SOX6: variants seen among roughly 807,000 people sequenced by gnomAD.
The protein encoded by SOX6 is transcription factor SOX-6.
A neutral mutation model predicts 97.8 loss-of-function variants in SOX6; 11 were observed. The ratio of observed to expected loss-of-function variants is 0.11; its 90% CI spans 0.07 to 0.19. SOX6 has a LOEUF of 0.19. Ranked by LOEUF, SOX6 falls within the 10% of genes least tolerant of loss-of-function variation. The pLI is 1.00. For missense variants in SOX6, 810 were observed against 1,039.5 expected, an observed-to-expected ratio of 0.78 and a Z score of 3.04; for synonymous variants, 360 against 371.4, an observed-to-expected ratio of 0.97 and a Z score of 0.35.
chr11:16,066,055 A>G (rs1392422170), intron 9 of SOX6, among the ~76,000 whole-genome samples: 3 of 152,310 alleles, frequency 2.0e-5, no homozygotes, highest in East Asian at 1.9e-4. Flanking sequence ...AGGAGCTCAA[A>G]CAACTCTTTG....
At chr11:16,376,616 T>C (rs1857648428) in intron 1 of SOX6, among the ~76,000 whole-genome samples, 1 of 152,258 alleles carries the variant, frequency 6.6e-6, no homozygotes, top group South Asian at 2.1e-4. Context: ...TTTAAAATCA[T>C]AGCACTCTTG....
chr11:15,984,640 A>C (rs1384374788), intron 15 of SOX6, among the ~76,000 whole-genome samples: 1 of 152,244 alleles, frequency 6.6e-6, no homozygotes, highest in African/African-American at 2.4e-5. Context: ...ACCTTTAAAA[A>C]TGCAAACATT....
At chr11:16,422,290 T>C (rs993556823) in intron 1 of SOX6, among the ~76,000 whole-genome samples, 7 of 152,150 alleles carry the variant, frequency 4.6e-5, no homozygotes, top group Non-Finnish European at 1.0e-4. Flanking sequence ...CTCTTAACAA[T>C]GGATATAAGC....
At chr11:16,676,464 A>G (rs1847885280) in intron 3 of SOX6, among the ~76,000 whole-genome samples, 1 of 152,136 alleles carries the variant, frequency 6.6e-6, no homozygotes, top group Non-Finnish European at 1.5e-5. Context: ...ATATGTTCTC[A>G]TTTCTTTATA....
At chr11:16,342,675 T>C (rs1391695582) in intron 1 of SOX6, among the ~76,000 whole-genome samples, 1 of 151,952 alleles carries the variant, frequency 6.6e-6, no homozygotes, top group Admixed American at 6.6e-5. Flanking sequence ...AGTTTTTATG[T>C]AGCAGCCCAT....
At chr11:16,217,502 CAT>C (rs772087421) in intron 4 of SOX6, among the ~76,000 whole-genome samples, 56 of 152,140 alleles carry the variant, frequency 3.7e-4, no homozygotes, top group South Asian at 1.2e-3. Context: ...GTAAAATCTT[CAT>C]TTAAAAAGGA....
upstream of SOX6, among the ~76,000 whole-genome samples, chr11:16,360,061 T>A (rs1857170737): frequency 6.6e-6 from 1 of 152,190 alleles, no homozygotes; most frequent in South Asian, 2.1e-4. Flanking sequence ...TGATATCAGT[T>A]ACTGAATGTT....
chr11:16,544,180 G>C (rs1383370838), intron 4 of SOX6, among the ~76,000 whole-genome samples: 1 of 152,146 alleles, frequency 6.6e-6, no homozygotes. Flanking sequence ...CATAGAAACA[G>C]AAAAATTATT....
intron 3 of SOX6, among the ~76,000 whole-genome samples, chr11:16,677,577 C>T (rs536137257): frequency 6.6e-6 from 1 of 152,168 alleles, no homozygotes; most frequent in Admixed American, 6.5e-5. Flanking sequence ...TCCACTTGGT[C>T]GTGATGAATT....
intron 1 of SOX6, chr11:16,738,404 A>G: frequency 3.6e-6 from 1 of 281,628 alleles, no homozygotes; most frequent in South Asian, 5.3e-5. Context: ...TGTGGCGACA[A>G]AGCTCTCGGC....
chr11:16,720,567 T>C (rs1332307512), intron 2 of SOX6, among the ~76,000 whole-genome samples: 2 of 118,166 alleles, frequency 1.7e-5, no homozygotes, highest in Non-Finnish European at 3.5e-5. Flanking sequence ...GGGGGAGGGA[T>C]AGCATTAGGA....
At chr11:16,485,833 G>A (rs956391719) in intron 4 of SOX6, among the ~76,000 whole-genome samples, 13 of 148,394 alleles carry the variant, frequency 8.8e-5, no homozygotes, top group Non-Finnish European at 1.3e-4. Flanking sequence ...GGTTGGGGCT[G>A]CAGTGAATTA....
At chr11:16,443,290 T>C (rs948382072) in intron 1 of SOX6, among the ~76,000 whole-genome samples, 2 of 152,210 alleles carry the variant, frequency 1.3e-5, no homozygotes, top group East Asian at 3.8e-4. Context: ...CATTAGAGTT[T>C]TAAGTTAACT....
intron 4 of SOX6, among the ~76,000 whole-genome samples, chr11:16,536,032 C>T (rs1192457456): frequency 2.6e-5 from 4 of 152,140 alleles, no homozygotes; most frequent in Non-Finnish European, 5.9e-5. Flanking sequence ...CTTGCTAGGA[C>T]ATTGTTATTT....
chr11:16,500,749 C>A (rs985388971), intron 4 of SOX6, among the ~76,000 whole-genome samples: 1 of 152,076 alleles, frequency 6.6e-6, no homozygotes, highest in African/African-American at 2.4e-5. Flanking sequence ...ATCCAACTCA[C>A]GAGGGATGTG....
intron 7 of SOX6, among the ~76,000 whole-genome samples, chr11:16,099,124 T>C: frequency 6.6e-6 from 1 of 151,862 alleles, no homozygotes; most frequent in East Asian, 1.9e-4. Context: ...GGAGCGCTGC[T>C]ACAATGCATT....
chr11:16,411,358 G>A (rs1273743978), intron 1 of SOX6, among the ~76,000 whole-genome samples: 1 of 152,080 alleles, frequency 6.6e-6, no homozygotes, highest in Non-Finnish European at 1.5e-5. Flanking sequence ...CCTAATGAAA[G>A]TATCAACACC....
Position 16,341,067 on chromosome 11 carries a change from C to G in SOX6, c.182G>C (p.Ser61Thr), listed in dbSNP as rs772618980. ...CCAGTCAGCATCTTGTTGAATGGTA[C>G]TGACAAGTGTTGGTAGCTCCTCAGA... ...PHSEELPTLVSTIQQDADWDS... is the reference protein window; with the variant it reads ...PHSEELPTLVTTIQQDADWDS... The change falls in exon 2 of 16, where the codon AGT becomes ACT. Residue 61 changes from serine (S) to threonine (T), a missense_variant. Around this residue, in one of 9 missense-constraint regions of SOX6, gnomAD observed 100 missense variants for 94.6 expected, o/e 1.06. Coordinates refer to ENST00000683767, the MANE Select transcript of SOX6 (RefSeq NM_001367873.1). The G allele has an allele frequency of 1.2e-6, 2 of 1,613,430 alleles. No individual in the cohort carries two copies. Among genetic ancestry groups the G allele is most frequent in the Admixed American group, 1.7e-5 (1 of 59,946 alleles).
At chr11:16,483,842 C>T (rs1386930070) in intron 4 of SOX6, among the ~76,000 whole-genome samples, 1 of 152,210 alleles carries the variant, frequency 6.6e-6, no homozygotes, top group Non-Finnish European at 1.5e-5. Flanking sequence ...CCTGGCTGCT[C>T]AGTTCAAAGT....
Sources: gnomAD v4.1 joint callset for allele counts (sites outside exome capture counted in the v4.1 genomes callset) on GRCh38, gnomAD v4.1.1 for gene constraint, gnomAD v4.1.1 regional missense constraint, MANE v1.5 for transcripts, NCBI Gene and HGNC (gene_info 2026-07-23, HGNC 2026-07-21) for gene names.